PAN3: variants seen among roughly 807,000 people sequenced by gnomAD.
The protein encoded by PAN3 is PAN2-PAN3 deadenylation complex subunit PAN3.
A neutral mutation model predicts 96.2 loss-of-function variants in PAN3; 19 were observed. The observed-to-expected ratio is 0.20, with a 90% CI of 0.14 to 0.29. PAN3 has a LOEUF of 0.29. Ranked by LOEUF, PAN3 falls within the 10% of genes least tolerant of loss-of-function variation. PAN3 has a pLI of 1.00. For synonymous variants in PAN3, 433 were observed against 406.6 expected, an observed-to-expected ratio of 1.06 and a Z score of -0.78; for missense variants, 882 against 1,108.1, an observed-to-expected ratio of 0.80 and a Z score of 2.90.
At chr13:28,218,083 G>A (rs1881005961) in intron 5 of PAN3, among the ~76,000 whole-genome samples, 1 of 151,778 alleles carries the variant, frequency 6.6e-6, no homozygotes, top group Admixed American at 6.6e-5. Context: ...ATATACCTAT[G>A]CTATTTTTAA....
intron 7 of PAN3, among the ~76,000 whole-genome samples, chr13:28,259,005 C>T (rs1480908855): frequency 2.6e-5 from 4 of 152,142 alleles, no homozygotes; most frequent in Non-Finnish European, 4.4e-5. Flanking sequence ...TTGGTCGAAT[C>T]CTTGAATACA....
intron 14 of PAN3, among the ~76,000 whole-genome samples, chr13:28,275,771 G>A (rs1449493696): frequency 6.6e-6 from 1 of 152,052 alleles, no homozygotes; most frequent in Admixed American, 6.6e-5. Context: ...TGCCATTCTG[G>A]GCTCCTGACT....
intron 1 of PAN3, among the ~76,000 whole-genome samples, chr13:28,156,579 T>C (rs1872192825): frequency 6.6e-6 from 1 of 152,162 alleles, no homozygotes; most frequent in Non-Finnish European, 1.5e-5. Context: ...ATCATCCTGA[T>C]ACCAAAACCT....
intron 1 of PAN3, among the ~76,000 whole-genome samples, chr13:28,152,601 A>G: frequency 6.6e-6 from 1 of 151,308 alleles, no homozygotes; most frequent in South Asian, 2.1e-4. Flanking sequence ...ACCAAAAAAC[A>G]AAAAAAAATG....
At chr13:28,202,658 T>TACACACACACAC (rs140754799) in intron 5 of PAN3, among the ~76,000 whole-genome samples, 7 of 150,102 alleles carry the variant, frequency 4.7e-5, no homozygotes, top group African/African-American at 1.7e-4. Context: ...TATATATGTA[T>TACACACACACAC]ACACACACAC....
At chr13:28,235,692 C>T (rs111655552) in intron 6 of PAN3, among the ~76,000 whole-genome samples, 276 of 106,268 alleles carry the variant, frequency 2.6e-3, no homozygotes, top group East Asian at 4.0e-3. Context: ...TACACACACA[C>T]ACATACACAC....
At chr13:28,232,554 G>A (rs1052294575) in intron 6 of PAN3, 1 of 151,852 alleles carries the variant, frequency 6.6e-6, no homozygotes, top group African/African-American at 2.4e-5. Context: ...GAGAAAACTA[G>A]CATGGTCCCT....
intron 6 of PAN3, among the ~76,000 whole-genome samples, chr13:28,244,902 G>A (rs1884030120): frequency 1.3e-5 from 2 of 151,980 alleles, no homozygotes. Flanking sequence ...AGGCTGGAGT[G>A]CAGTGGCGCG....
chr13:28,229,323 A>C (rs536235996), intron 6 of PAN3, among the ~76,000 whole-genome samples: 1 of 152,316 alleles, frequency 6.6e-6, no homozygotes, highest in South Asian at 2.1e-4. Flanking sequence ...TCTTTCCAGC[A>C]TACTTGAATT....
intron 14 of PAN3, chr13:28,272,456 TG>T (rs1886704314): frequency 6.4e-6 from 1 of 155,576 alleles, no homozygotes; most frequent in African/African-American, 2.4e-5. Context: ...TTTTATTTTT[TG>T]TAGAGATAGA....
At chr13:28,270,567 A>G (rs1886527454) in intron 12 of PAN3, 134 bp from the exon 13 acceptor site, 1 of 876,218 alleles carries the variant, frequency 1.1e-6, no homozygotes, top group Non-Finnish European at 1.7e-6. Context: ...ACACACATAC[A>G]TACACACACA....
In PAN3 at chr13:28,139,080, G is replaced by A. The variant is rs1869213446; in HGVS notation, c.423G>A (p.Arg141=). 7.9e-7 allele frequency: 1 copy of A among 1,267,892 alleles called. No individual in the cohort carries two copies. Among genetic ancestry groups the A allele is most frequent in the Non-Finnish European group, 9.9e-7 (1 of 1,008,084 alleles). The allele number at this position is 1,267,892 out of a possible 1,614,324, so 78.5% of individuals were successfully genotyped here. A position where few individuals can be genotyped will look rare whatever the true frequency, so the allele number is the denominator to read the frequency against. The change falls in exon 1 of 19, where the codon CGG becomes CGA. Residue 141 remains arginine, a synonymous_variant. Transcript: ENST00000380958. ...GTAGCGGGGGACTCGATGGACCGCG[G>A]CTGGCAAGTGAGTGTTTTTCGGGCG... The part of the protein sequence containing the change: ...GGSSGGLDGP[R]LAIPGMDGGA...
intron 17 of PAN3, among the ~76,000 whole-genome samples, chr13:28,282,897 T>C (rs1485155940): frequency 6.6e-6 from 1 of 152,078 alleles, no homozygotes; most frequent in African/African-American, 2.4e-5. Flanking sequence ...TATTTATTTA[T>C]TTATTTATTT....
chr13:28,288,943 C>T (rs1218754485), intron 18 of PAN3, among the ~76,000 whole-genome samples: 7 of 150,528 alleles, frequency 4.7e-5, no homozygotes, highest in African/African-American at 1.7e-4. Flanking sequence ...TCTCCTGCCT[C>T]AGCCTCCCAA....
intron 6 of PAN3, among the ~76,000 whole-genome samples, chr13:28,234,324 G>C (rs1199445717): frequency 6.6e-6 from 1 of 152,122 alleles, no homozygotes; most frequent in Non-Finnish European, 1.5e-5. Flanking sequence ...GGCCCCCAAA[G>C]TGCTGAGATT....
chr13:28,266,919 G>A, intron 10 of PAN3, 43 bp downstream of exon 10: 1 of 1,458,752 alleles, frequency 6.9e-7, no homozygotes, highest in Non-Finnish European at 9.1e-7. Flanking sequence ...GTATCATTGA[G>A]GCTAAGATTA....
rs1881274047 is a variant in PAN3 at position 28,220,352 on chromosome 13, G to A, written c.974G>A (p.Ser325Asn). 9.3e-6 allele frequency: 15 copies of A among 1,613,676 alleles called. No individual in the cohort carries two copies. Among genetic ancestry groups the A allele is most frequent in the Non-Finnish European group, 1.3e-5 (15 of 1,179,730 alleles). Reference protein sequence around the residue: ...SQVFSHPSMGSPATAGLAPGM... With the variant: ...SQVFSHPSMGNPATAGLAPGM... ...GTTTTCTCTCACCCATCCATGGGAA[G>A]CCCTGCTACTGCTGGATTAGCGCCA... Residue 325 changes from serine to asparagine, a missense_variant, in exon 6 of 19, where the codon AGC becomes AAC. This residue lies in a region of PAN3 where 442 missense variants were observed against 422.8 expected (regional missense o/e 1.05). Transcript: ENST00000380958.
intron 3 of PAN3, among the ~76,000 whole-genome samples, chr13:28,177,029 A>G (rs972512227): frequency 6.6e-6 from 1 of 152,144 alleles, no homozygotes; most frequent in South Asian, 2.1e-4. Flanking sequence ...TATGTACTAC[A>G]TTGTGAAGAG....
intron 1 of PAN3, among the ~76,000 whole-genome samples, chr13:28,143,802 C>T (rs1275589208): frequency 3.9e-5 from 6 of 152,104 alleles, no homozygotes; most frequent in African/African-American, 7.2e-5. Context: ...TTGTGATTGT[C>T]CAAATGGAGG....
Sources: gnomAD v4.1 joint callset for allele counts (sites outside exome capture counted in the v4.1 genomes callset) on GRCh38, gnomAD v4.1.1 for gene constraint, gnomAD v4.1.1 regional missense constraint, MANE v1.5 for transcripts, NCBI Gene and HGNC (gene_info 2026-07-23, HGNC 2026-07-21) for gene names.